The following GLP2R variants were observed in gnomAD, a reference collection of about 807,000 sequenced individuals.
GLP2R encodes the protein glucagon like peptide 2 receptor.
GLP2R carries 59 observed loss-of-function variants against 68.2 expected under a neutral mutation model. The observed-to-expected ratio is 0.87, with a 90% confidence interval of 0.70 to 1.07. GLP2R has a LOEUF of 1.07. Ranked by LOEUF, GLP2R falls within the 50% of genes least tolerant of loss-of-function variation. GLP2R has a pLI of 0.00. For synonymous variants in GLP2R, 270 were observed against 265.4 expected, an observed-to-expected ratio of 1.02 and a Z score of -0.17; for missense variants, 548 against 677.4, an observed-to-expected ratio of 0.81 and a Z score of 2.12.
intron 11 of GLP2R, among the ~76,000 whole-genome samples, chr17:9,881,573 G>A (rs976469870): frequency 6.8e-6 from 1 of 147,334 alleles, no homozygotes; most frequent in Non-Finnish European, 1.5e-5. Flanking sequence ...GTAGAGACGG[G>A]GTTTCACCGT....
intron 9 of GLP2R, among the ~76,000 whole-genome samples, chr17:9,864,502 GTTTGT>G (rs1470555564): frequency 6.6e-6 from 1 of 151,590 alleles, no homozygotes; most frequent in Non-Finnish European, 1.5e-5. Flanking sequence ...TTGTTTGTTT[GTTTGT>G]TTGTTTGTTT....
intron 4 of GLP2R, among the ~76,000 whole-genome samples, chr17:9,844,826 G>T (rs1665312509): frequency 1.3e-5 from 2 of 151,162 alleles, no homozygotes; most frequent in African/African-American, 4.9e-5. Context: ...AAGTACCTGG[G>T]ACTACAGGTG....
At chr17:9,865,549 G>T (rs756222) in intron 9 of GLP2R, among the ~76,000 whole-genome samples, 2 of 152,040 alleles carry the variant, frequency 1.3e-5, no homozygotes, top group South Asian at 2.1e-4. Flanking sequence ...AGAATTGCCC[G>T]ATGCTCTACT....
chr17:9,875,696 G>A (rs868551103), intron 10 of GLP2R, among the ~76,000 whole-genome samples: 1 of 152,116 alleles, frequency 6.6e-6, no homozygotes, highest in African/African-American at 2.4e-5. Context: ...TATAAACAGG[G>A]TAAGCAATGC....
At chr17:9,852,345 G>T (rs1567725095) in intron 4 of GLP2R, among the ~76,000 whole-genome samples, 1 of 152,190 alleles carries the variant, frequency 6.6e-6, no homozygotes. Flanking sequence ...TCCTGTGTTA[G>T]TTTGCTGAGA....
chr17:9,862,335 G>C (rs1404714976), intron 9 of GLP2R, among the ~76,000 whole-genome samples: 1 of 152,186 alleles, frequency 6.6e-6, no homozygotes, highest in Non-Finnish European at 1.5e-5. Flanking sequence ...CCTGCAGTCA[G>C]CTCTGTGCTC....
Position 9,889,905 on chromosome 17 carries a change from C to G in GLP2R, c.*200C>G. 1.5e-6 allele frequency: 1 copy of G among 645,586 alleles called. No individual in the cohort carries two copies. The highest frequency in any genetic ancestry group is 2.8e-6 in the Non-Finnish European group (1 of 353,450). The allele number at this position is 645,586 out of a possible 1,614,324, so 40.0% of individuals were successfully genotyped here. ...GTGTCATGCTCACAGCCTCTGCCTGCTCTTCTCATCCTAATAACCCCCACC... is the reference window on the plus strand; with the variant it reads ...GTGTCATGCTCACAGCCTCTGCCTGGTCTTCTCATCCTAATAACCCCCACC... On this transcript the variant is annotated 3_prime_UTR_variant, in exon 13 of 13. Transcript: ENST00000262441.
At chr17:9,845,134 C>T (rs1490308611) in intron 4 of GLP2R, among the ~76,000 whole-genome samples, 1 of 151,782 alleles carries the variant, frequency 6.6e-6, no homozygotes, top group African/African-American at 2.4e-5. Context: ...TCATGGCCCA[C>T]CACAGCCTCC....
At chr17:9,865,923 A>T (rs1351266828) in intron 9 of GLP2R, 2 of 471,094 alleles carry the variant, frequency 4.2e-6, no homozygotes, top group African/African-American at 4.0e-5. Flanking sequence ...CTTGTAAAAC[A>T]CTGACATATA....
At chr17:9,868,367 C>T (rs1476409461) in intron 9 of GLP2R, among the ~76,000 whole-genome samples, 1 of 152,174 alleles carries the variant, frequency 6.6e-6, no homozygotes, top group Non-Finnish European at 1.5e-5. Context: ...CCGGCAATCA[C>T]CTCTGCCAAC....
chr17:9,885,148 T>TTTA (rs3073992), intron 11 of GLP2R, among the ~76,000 whole-genome samples: 40,365 of 143,170 alleles, frequency 0.28, 6,149 homozygotes, highest in Middle Eastern at 0.37. Flanking sequence ...TAGTAACCAT[T>TTTA]TTATTATTAT....
intron 10 of GLP2R, 46 bp downstream of exon 10, chr17:9,870,881 G>C: frequency 2.3e-6 from 2 of 878,720 alleles, no homozygotes; most frequent in South Asian, 1.3e-5. Context: ...GTTATTGTAA[G>C]TACTCTGGCT....
intron 11 of GLP2R, among the ~76,000 whole-genome samples, chr17:9,885,808 G>A (rs905895805): frequency 3.7e-4 from 56 of 152,000 alleles, no homozygotes; most frequent in Middle Eastern, 3.4e-3. Context: ...TTTTTGATGC[G>A]AAGAGCAGCC....
chr17:9,857,199 G>C (rs910585557), intron 5 of GLP2R, among the ~76,000 whole-genome samples: 1 of 152,174 alleles, frequency 6.6e-6, no homozygotes, highest in African/African-American at 2.4e-5. Context: ...GATTACAGGT[G>C]TGAGCCACCG....
intron 11 of GLP2R, 134 bp downstream of exon 11, chr17:9,880,650 C>T (rs1158353127): frequency 3.4e-6 from 2 of 583,748 alleles, no homozygotes; most frequent in Non-Finnish European, 5.9e-6. Flanking sequence ...CAGTAAGGGC[C>T]CTTGGCATTA....
chr17:9,863,542 C>A lies in GLP2R; in HGVS notation c.1056+1452C>A, dbSNP rs77970700. 1.5e-3 allele frequency among the ~76,000 whole-genome samples: 229 copies of A among 152,312 alleles called. 1 individual carries two copies. Among genetic ancestry groups the A allele is most frequent in the African/African-American group, 5.3e-3 (221 of 41,576 alleles). ...AAAACTATTTACTGCCTCCAGCCCCCACGCCTGCCATACTGAATGCTGCAG... is the reference window on the plus strand; with the variant it reads ...AAAACTATTTACTGCCTCCAGCCCCAACGCCTGCCATACTGAATGCTGCAG... On this transcript the variant is annotated intron_variant, in intron 9 of 12. Transcript: ENST00000262441.
At chr17:9,830,243 C>A (rs1177361282) in intron 1 of GLP2R, among the ~76,000 whole-genome samples, 1 of 152,248 alleles carries the variant, frequency 6.6e-6, no homozygotes, top group Non-Finnish European at 1.5e-5. Flanking sequence ...GAACATTACT[C>A]CAGAGGCTGA....
At chr17:9,877,824 C>T (rs1406451781) in intron 10 of GLP2R, among the ~76,000 whole-genome samples, 1 of 148,434 alleles carries the variant, frequency 6.7e-6, no homozygotes, top group East Asian at 2.0e-4. Context: ...TTGCAGTGAG[C>T]CGAGATCCCG....
intron 11 of GLP2R, among the ~76,000 whole-genome samples, chr17:9,887,542 T>A (rs1026813663): frequency 4.6e-5 from 7 of 151,850 alleles, no homozygotes; most frequent in African/African-American, 9.7e-5. Flanking sequence ...AACAAACAAA[T>A]AAACAAACAT....
Sources: gnomAD v4.1 joint callset for allele counts (sites outside exome capture counted in the v4.1 genomes callset) on GRCh38, gnomAD v4.1.1 for gene constraint, MANE v1.5 for transcripts, NCBI Gene and HGNC (gene_info 2026-07-23, HGNC 2026-07-21) for gene names.